PARD3B: variants seen among roughly 807,000 people sequenced by gnomAD.
PARD3B encodes the protein partitioning defective 3 homolog B.
In PARD3B, 103 loss-of-function variants were observed where a neutral mutation model predicts 130.2. The ratio of observed to expected loss-of-function variants is 0.79; its 90% CI spans 0.67 to 0.93. The LOEUF (loss-of-function observed/expected upper bound fraction) is 0.93. Ranked by LOEUF, PARD3B falls within the 40% of genes least tolerant of loss-of-function variation. The pLI is 0.00. For missense variants in PARD3B, 1,609 were observed against 1,499.2 expected (o/e 1.07, Z -1.21); for synonymous variants, 583 against 553.2 (o/e 1.05, Z -0.76).
chr2:205,248,174 C>T lies in PARD3B; in HGVS notation c.2185+2352C>T, dbSNP rs1055867751. ...CAGGTTAGCGTCAAACTCTTCTGGG[C>T]TCAAGCAATCCACCTGCCTTAGCTT... On this transcript the variant is annotated intron_variant, in intron 16 of 22. Transcript: ENST00000406610. Among the ~76,000 whole-genome samples, 11 of 152,154 alleles carry T rather than the reference C, an allele frequency of 7.2e-5. No homozygotes were observed. The Middle Eastern group carries it at 0.01, about 141-fold the overall frequency.
intron 18 of PARD3B, among the ~76,000 whole-genome samples, chr2:205,386,532 G>C (rs1305475713): frequency 6.6e-6 from 1 of 152,106 alleles, no homozygotes; most frequent in Non-Finnish European, 1.5e-5. Flanking sequence ...CCAGTCTGCA[G>C]GTTGGTTGGC....
intron 21 of PARD3B, among the ~76,000 whole-genome samples, chr2:205,523,041 T>TAA (rs2051152141): frequency 6.6e-6 from 1 of 151,660 alleles, no homozygotes; most frequent in Non-Finnish European, 1.5e-5. Context: ...TCACTTATTA[T>TAA]AAAAGTTGAA....
At chr2:204,729,994 C>CAA (rs1211290360) in intron 2 of PARD3B, among the ~76,000 whole-genome samples, 5 of 121,978 alleles carry the variant, frequency 4.1e-5, no homozygotes, top group Non-Finnish European at 8.3e-5. Context: ...TACACACACA[C>CAA]ACAAACACAC....
At chr2:204,895,374 A>C (rs1329415993) in intron 2 of PARD3B, among the ~76,000 whole-genome samples, 1 of 152,108 alleles carries the variant, frequency 6.6e-6, no homozygotes, top group Non-Finnish European at 1.5e-5. Context: ...ATAACTTTGC[A>C]TTACCTAGCC....
chr2:205,082,583 C>G (rs1030539212), intron 4 of PARD3B, among the ~76,000 whole-genome samples: 1 of 152,056 alleles, frequency 6.6e-6, no homozygotes, highest in African/African-American at 2.4e-5. Context: ...TGTCTTCTCT[C>G]TCATTCTGCC....
intron 13 of PARD3B, among the ~76,000 whole-genome samples, chr2:205,179,272 A>G (rs912136919): frequency 6.6e-6 from 1 of 152,232 alleles, no homozygotes; most frequent in Admixed American, 6.5e-5. Flanking sequence ...AAATTTATAA[A>G]GTAACAAAGT....
At chr2:204,892,582 A>G (rs578041114) in intron 2 of PARD3B, among the ~76,000 whole-genome samples, 77 of 152,332 alleles carry the variant, frequency 5.1e-4, no homozygotes, top group African/African-American at 1.7e-3. Flanking sequence ...CATCTGATAT[A>G]TAATTACAGT....
chr2:205,037,372 GTGGACTATTTGTATAAAATA>G (rs1698053401), intron 3 of PARD3B, among the ~76,000 whole-genome samples: 11 of 122,432 alleles, frequency 9.0e-5, no homozygotes, highest in African/African-American at 1.5e-4. Flanking sequence ...AATATATATA[GTGGACTATTTGTATAAAATA>G]TATATATAGT....
chr2:205,561,651 A>G (rs1196475333), intron 22 of PARD3B, among the ~76,000 whole-genome samples: 1 of 152,200 alleles, frequency 6.6e-6, no homozygotes. Flanking sequence ...ACTGTGAATC[A>G]TGGCCAGTGG....
intron 2 of PARD3B, among the ~76,000 whole-genome samples, chr2:204,755,445 C>A (rs2040626561): frequency 1.3e-5 from 2 of 152,208 alleles, no homozygotes; most frequent in South Asian, 2.1e-4. Flanking sequence ...TACTGAGAAG[C>A]TTGTCAACCA....
intron 18 of PARD3B, among the ~76,000 whole-genome samples, chr2:205,368,759 G>T (rs1439808227): frequency 2.0e-5 from 3 of 151,988 alleles, no homozygotes; most frequent in South Asian, 4.2e-4. Flanking sequence ...TAAAGTATTT[G>T]TGGAACATGA....
intron 10 of PARD3B, among the ~76,000 whole-genome samples, chr2:205,152,416 C>A (rs527992553): frequency 1.3e-5 from 2 of 152,174 alleles, no homozygotes; most frequent in Non-Finnish European, 2.9e-5. Flanking sequence ...CAGAGTTGGT[C>A]TTTTCACATA....
At chr2:205,404,120 T>C (rs2046342351) in intron 19 of PARD3B, among the ~76,000 whole-genome samples, 1 of 152,346 alleles carries the variant, frequency 6.6e-6, no homozygotes. Flanking sequence ...TATTTTATAA[T>C]CTTTTTTTTA....
intron 22 of PARD3B, among the ~76,000 whole-genome samples, chr2:205,576,082 T>C (rs1409174273): frequency 6.6e-6 from 1 of 152,080 alleles, no homozygotes; most frequent in Non-Finnish European, 1.5e-5. Flanking sequence ...AGGTATGTAG[T>C]AGTATTTCAT....
chr2:205,073,225 C>G (rs933097690), intron 4 of PARD3B, among the ~76,000 whole-genome samples: 18 of 152,124 alleles, frequency 1.2e-4, no homozygotes, highest in South Asian at 6.2e-4. Flanking sequence ...TAAAATAAAG[C>G]TATTTTATTC....
At chr2:204,604,173 T>C (rs1008844370) in intron 1 of PARD3B, among the ~76,000 whole-genome samples, 2 of 152,290 alleles carry the variant, frequency 1.3e-5, no homozygotes, top group African/African-American at 2.4e-5. Flanking sequence ...ACTTCTCTTA[T>C]AGGAAATAAA....
chr2:204,627,877 A>AAT (rs2125135512), intron 1 of PARD3B, among the ~76,000 whole-genome samples: 1 of 152,226 alleles, frequency 6.6e-6, no homozygotes, highest in South Asian at 2.1e-4. Flanking sequence ...TTTGTATGTA[A>AAT]ATTTTATAAT....
At chr2:204,700,194 T>G (rs926933903) in intron 2 of PARD3B, among the ~76,000 whole-genome samples, 1 of 152,134 alleles carries the variant, frequency 6.6e-6, no homozygotes, top group Non-Finnish European at 1.5e-5. Context: ...GGTATCTTAA[T>G]TCAATATATT....
At chr2:204,953,003 A>G (rs1480089162) in intron 2 of PARD3B, among the ~76,000 whole-genome samples, 2 of 151,278 alleles carry the variant, frequency 1.3e-5, no homozygotes, top group Non-Finnish European at 2.9e-5. Context: ...TCTCAAAAAA[A>G]AAAAAAAGGT....
Sources: allele counts gnomAD v4.1 joint callset (sites outside exome capture counted in the v4.1 genomes callset), GRCh38; gene constraint gnomAD v4.1.1; transcripts MANE v1.5; gene names NCBI Gene and HGNC (gene_info 2026-07-23, HGNC 2026-07-21).